CLEC16A: variants seen among roughly 807,000 people sequenced by gnomAD.
The protein encoded by CLEC16A is protein CLEC16A.
In CLEC16A, 51 loss-of-function variants were observed where a neutral mutation model predicts 109.5. The ratio of observed to expected loss-of-function variants is 0.47; its 90% CI spans 0.37 to 0.59. The LOEUF is 0.59. Among genes scored for constraint, CLEC16A ranks in the 20% least tolerant of loss-of-function variants. CLEC16A has a pLI of 0.00. For missense variants in CLEC16A, 1,339 were observed against 1,394.0 expected, an observed-to-expected ratio of 0.96 and a Z score of 0.63; for synonymous variants, 673 against 564.2, an observed-to-expected ratio of 1.19 and a Z score of -2.73.
chr16:10,983,128 G>T, intron 10 of CLEC16A, 137 bp downstream of exon 10: 1 of 579,446 alleles, frequency 1.7e-6, no homozygotes, highest in East Asian at 3.0e-5. Flanking sequence ...GGGATTCAGT[G>T]AACCTAATCA....
chr16:11,060,831 T>C (rs376938171), intron 18 of CLEC16A, 71 bp from the exon 19 acceptor site: 1 of 1,401,990 alleles, frequency 7.1e-7, no homozygotes. Flanking sequence ...GTGTCATTTC[T>C]GGGTGTGGGG....
At position 11,123,736 on chromosome 16, in the gene CLEC16A, G is replaced by A. The variant is rs2052598310; in HGVS notation, c.2269-6G>A. ...AATGCCTTTTCCTTTGCTTCTCACT[G>A]TGCAGGACATGCAGGTGACTGGCGT... is the stretch of plus-strand genomic sequence containing the variant. On this transcript the variant is annotated splice_polypyrimidine_tract_variant and splice_region_variant and intron_variant, in intron 20 of 23. Transcript: ENST00000409790. The A allele has an allele frequency of 3.7e-6, 6 of 1,613,850 alleles. No individual in the cohort carries two copies. Among genetic ancestry groups the A allele is most frequent in the African/African-American group, 1.3e-5 (1 of 74,932 alleles).
At chr16:11,090,016 T>C (rs2050216110) in intron 19 of CLEC16A, among the ~76,000 whole-genome samples, 2 of 152,164 alleles carry the variant, frequency 1.3e-5, no homozygotes, top group Non-Finnish European at 2.9e-5. Context: ...ACTCAGAATA[T>C]CTGTTTAGAC....
chr16:10,947,360 G>C (rs895711888), intron 1 of CLEC16A, among the ~76,000 whole-genome samples: 9 of 151,820 alleles, frequency 5.9e-5, no homozygotes, highest in Non-Finnish European at 7.3e-5. Flanking sequence ...GCAGGCTGGT[G>C]GGGGAGACAG....
chr16:11,034,921 G>A (rs1295108338), intron 13 of CLEC16A, among the ~76,000 whole-genome samples: 1 of 152,156 alleles, frequency 6.6e-6, no homozygotes, highest in Non-Finnish European at 1.5e-5. Context: ...GTCTGTGTGT[G>A]TATGAGTGTG....
At chr16:11,042,088 A>G (rs1263852490) in intron 14 of CLEC16A, 166 bp from the exon 15 acceptor site, 2 of 573,238 alleles carry the variant, frequency 3.5e-6, no homozygotes, top group East Asian at 5.9e-5. Flanking sequence ...CTGATGGGGA[A>G]TGGTTTGGGC....
intron 13 of CLEC16A, among the ~76,000 whole-genome samples, chr16:11,026,764 G>A (rs2046429800): frequency 6.6e-6 from 1 of 151,506 alleles, no homozygotes; most frequent in Non-Finnish European, 1.5e-5. Context: ...CAGCCAAGCT[G>A]CTTGTGATGA....
At position 11,072,867 on chromosome 16, in the gene CLEC16A, T is replaced by C. The variant is rs1258384482; in HGVS notation, c.2116+11845T>C. 5.9e-5 allele frequency among the ~76,000 whole-genome samples: 9 copies of C among 152,358 alleles called. No homozygotes were observed. In the East Asian group the frequency reaches 1.3e-3, roughly 23 times the overall value. On this transcript the variant is annotated intron_variant, in intron 19 of 23. Transcript: ENST00000409790. ...CAAAGCACAGCCTCGTGACTGCTTC[T>C]GTCCAGGGGACACATTGAAAAGCAG...
chr16:11,176,991 A>G (rs2068773957), intron 23 of CLEC16A, among the ~76,000 whole-genome samples: 2 of 152,090 alleles, frequency 1.3e-5, no homozygotes, highest in South Asian at 2.1e-4. Flanking sequence ...CTTAAAAGAG[A>G]AAATAAAAAA....
intron 19 of CLEC16A, among the ~76,000 whole-genome samples, chr16:11,080,266 A>G (rs1224578521): frequency 6.6e-6 from 1 of 152,172 alleles, no homozygotes. Context: ...GCACTTCAGC[A>G]GGTGGGTGCA....
intron 19 of CLEC16A, among the ~76,000 whole-genome samples, chr16:11,067,290 C>T (rs1031880496): frequency 5.3e-5 from 8 of 149,740 alleles, no homozygotes; most frequent in African/African-American, 1.7e-4. Context: ...AGGCAAACTC[C>T]AATCACAGCA....
rs2041872594 is a variant in CLEC16A at position 10,954,110 on chromosome 16, C to T, written c.81-3672C>T. On this transcript the variant is annotated intron_variant, in intron 1 of 23. Coordinates refer to ENST00000409790, the MANE Select transcript of CLEC16A (RefSeq NM_015226.3). The surrounding 1 kb of genome is among the most constrained non-coding windows in gnomAD (Gnocchi z 4.2). ...AGCCCCCACGCAATATCACTGCATA[C>T]CCAGCAGATGGCGCCACCGACCAGG... Among the ~76,000 whole-genome samples the T allele has an allele frequency of 6.6e-6, 1 of 152,176 alleles. No homozygotes were observed.
In CLEC16A at chr16:11,126,152, C is replaced by G. The variant is rs558579762; in HGVS notation, c.2641+6C>G. 6.2e-7 allele frequency: 1 copy of G among 1,613,696 alleles called. No individual in the cohort carries two copies. The highest frequency in any genetic ancestry group is 1.1e-5 in the South Asian group (1 of 91,058). On this transcript the variant is annotated splice_donor_region_variant and intron_variant, in intron 22 of 23. Transcript: ENST00000409790. ...ATCGGTGGACAAGGTGCCAGGTGAG[C>G]CAGCCCCCCGCCCTGCGCCACAGCT...
chr16:11,162,842 A>G (rs1284939876), intron 22 of CLEC16A, among the ~76,000 whole-genome samples: 1 of 152,174 alleles, frequency 6.6e-6, no homozygotes, highest in East Asian at 1.9e-4. Flanking sequence ...GTAGTTCGGT[A>G]TGTGCATCCA....
At chr16:11,115,176 A>C (rs988104446) in intron 19 of CLEC16A, among the ~76,000 whole-genome samples, 1 of 152,192 alleles carries the variant, frequency 6.6e-6, no homozygotes, top group African/African-American at 2.4e-5. Context: ...TCCCAGATCA[A>C]ACTCTCAGAT....
rs141075541 is a variant in CLEC16A, at chr16:11,138,574, T to C, written c.2641+12428T>C. On this transcript the variant is annotated intron_variant, in intron 22 of 23. Transcript: ENST00000409790. ...GGCCCCTTCACTGCATGCTCACAGC[T>C]GTGCGTCAGGTGATGCCCGTGGGCG... Among the ~76,000 whole-genome samples, 1,498 of 152,340 alleles carry C rather than the reference T, an allele frequency of 9.8e-3. 27 individuals are homozygous for C. The highest frequency in any genetic ancestry group is 0.034 in the African/African-American group (1,417 of 41,574).
intron 20 of CLEC16A, among the ~76,000 whole-genome samples, chr16:11,122,227 C>T (rs558767080): frequency 1.3e-5 from 2 of 152,352 alleles, no homozygotes; most frequent in South Asian, 2.1e-4. Flanking sequence ...CCCCAGCCTC[C>T]TCTTCTTCAG....
intron 14 of CLEC16A, chr16:11,041,394 A>G (rs1356609212): frequency 6.6e-6 from 1 of 152,264 alleles, no homozygotes; most frequent in Non-Finnish European, 1.5e-5. Flanking sequence ...AAGCTGTGTT[A>G]GCTTATAAAG....
At chr16:10,968,501 A>T (rs1325565484) in intron 3 of CLEC16A, among the ~76,000 whole-genome samples, 1 of 152,100 alleles carries the variant, frequency 6.6e-6, no homozygotes, top group Non-Finnish European at 1.5e-5. Context: ...GGCCCCCATA[A>T]TGCATGACAA....
Sources: allele counts gnomAD v4.1 joint callset (sites outside exome capture counted in the v4.1 genomes callset), GRCh38; gene constraint gnomAD v4.1.1; non-coding constraint Gnocchi (gnomAD v3.1); transcripts MANE v1.5; gene names NCBI Gene and HGNC (gene_info 2026-07-23, HGNC 2026-07-21).